Variants in SH3BP5 observed in about 807,000 individuals in gnomAD.
SH3BP5 encodes SH3 domain binding protein 5.
SH3BP5 carries 22 observed loss-of-function variants against 43.3 expected under a neutral mutation model. That is an observed-to-expected ratio of 0.51 (90% CI 0.36 to 0.73). The LOEUF is 0.73. SH3BP5 is among the 30% of genes least tolerant of loss of function. SH3BP5 has a pLI of 0.00. For synonymous variants in SH3BP5, 255 were observed against 225.8 expected, an observed-to-expected ratio of 1.13 and a Z score of -1.16; for missense variants, 529 against 586.9, an observed-to-expected ratio of 0.90 and a Z score of 1.02.
At chr3:15,297,682 C>T (rs1299514314) in intron 3 of SH3BP5, among the ~76,000 whole-genome samples, 5 of 152,048 alleles carry the variant, frequency 3.3e-5, no homozygotes, top group Non-Finnish European at 7.4e-5. Context: ...TTGCTGGAAT[C>T]TCAACACTGT....
At chr3:15,295,579 T>C (rs540714022) in intron 3 of SH3BP5, among the ~76,000 whole-genome samples, 11 of 152,304 alleles carry the variant, frequency 7.2e-5, no homozygotes, top group African/African-American at 2.6e-4. Context: ...AGAAAATGCT[T>C]GCGTTAGATG....
At chr3:15,329,057 TG>T (rs1698534886) in intron 2 of SH3BP5, among the ~76,000 whole-genome samples, 1 of 151,832 alleles carries the variant, frequency 6.6e-6, no homozygotes, top group African/African-American at 2.4e-5. Context: ...AGCTGAGGAA[TG>T]AGAATCACTT....
intron 4 of SH3BP5, among the ~76,000 whole-genome samples, chr3:15,265,559 C>CA (rs1553613899): frequency 2.1e-5 from 3 of 142,820 alleles, no homozygotes; most frequent in African/African-American, 5.1e-5. Flanking sequence ...CACACACACA[C>CA]AACCCTCCAG....
chr3:15,301,566 G>T (rs535507420), intron 3 of SH3BP5, among the ~76,000 whole-genome samples: 1 of 152,252 alleles, frequency 6.6e-6, no homozygotes, highest in East Asian at 1.9e-4. Context: ...GGGCTGGCAG[G>T]GATGGTGGGC....
At chr3:15,269,451 T>C (rs537948538) in intron 4 of SH3BP5, among the ~76,000 whole-genome samples, 1 of 152,124 alleles carries the variant, frequency 6.6e-6, no homozygotes, top group Admixed American at 6.5e-5. Context: ...CAAGACCCCC[T>C]GGGGATGACC....
intron 3 of SH3BP5, among the ~76,000 whole-genome samples, chr3:15,279,416 C>T (rs1697059451): frequency 6.6e-6 from 1 of 152,176 alleles, no homozygotes; most frequent in Admixed American, 6.5e-5. Context: ...CATAGACAGA[C>T]TACAGAGCCC....
At chr3:15,265,512 T>TCTCACACACACACACACACACA (rs1318765546) in intron 4 of SH3BP5, among the ~76,000 whole-genome samples, 104 of 107,984 alleles carry the variant, frequency 9.6e-4, no homozygotes, top group African/African-American at 3.5e-3. Flanking sequence ...CGAGACTCCG[T>TCTCACACACACACACACACACA]CACACACACA....
upstream of SH3BP5, among the ~76,000 whole-genome samples, chr3:15,337,097 T>TTG (rs1559465314): frequency 6.7e-6 from 1 of 148,356 alleles, no homozygotes; most frequent in African/African-American, 2.5e-5. Flanking sequence ...TTTTTTTTTT[T>TTG]TTTTTTTTTT....
At chr3:15,310,506 G>C (rs1466205653) in intron 2 of SH3BP5, among the ~76,000 whole-genome samples, 1 of 152,170 alleles carries the variant, frequency 6.6e-6, no homozygotes, top group Non-Finnish European at 1.5e-5. Context: ...AGATCAGAGT[G>C]GGGGTGGCTT....
chr3:15,313,782 T>C (rs543563226), intron 2 of SH3BP5, among the ~76,000 whole-genome samples: 3 of 152,196 alleles, frequency 2.0e-5, no homozygotes, highest in African/African-American at 7.2e-5. Context: ...GAAATGTGGC[T>C]GGTGCAACTG....
chr3:15,281,273 C>T (rs1473307120), intron 3 of SH3BP5, among the ~76,000 whole-genome samples: 1 of 152,134 alleles, frequency 6.6e-6, no homozygotes, highest in Non-Finnish European at 1.5e-5. Flanking sequence ...CCAACAAGAA[C>T]ACATTTTGAT....
At position 15,255,808 on chromosome 3, in the gene SH3BP5, A is replaced by T. The variant is rs1225095406; in HGVS notation, c.*278T>A. On this transcript the variant is annotated 3_prime_UTR_variant, in exon 9 of 9. Transcript: ENST00000383791. ...TTCCCAGCTCTGGTTCTTTCATAGG[A>T]ACTAGTTATTGCTTCCACAATGCCG... 1.8e-5 allele frequency: 6 copies of T among 332,926 alleles called. No individual in the cohort carries two copies. The East Asian group carries it at 3.4e-4, about 19-fold the overall frequency. 20.6% of individuals were successfully genotyped at this position (332,926 alleles called of 1,614,324 possible).
At chr3:15,297,377 C>G (rs558845125) in intron 3 of SH3BP5, among the ~76,000 whole-genome samples, 34 of 152,250 alleles carry the variant, frequency 2.2e-4, no homozygotes, top group Middle Eastern at 3.4e-3. Flanking sequence ...CCTCTTCTAC[C>G]CACAGGTTCT....
In SH3BP5 at chr3:15,306,227, T is replaced by C. The variant is rs192633017; in HGVS notation, c.202-1996A>G. On this transcript the variant is annotated intron_variant, in intron 2 of 8. Coordinates refer to ENST00000383791, the MANE Select transcript of SH3BP5 (RefSeq NM_004844.5). The stretch of plus-strand genomic sequence containing the variant: ...AAAAAAAATTAGCCAGGTATGGTGG[T>C]GGGCACCTGTAGTCCCAGCTACTTG... 2.0e-3 allele frequency among the ~76,000 whole-genome samples: 305 copies of C among 151,934 alleles called. 2 individuals carry two copies. The highest frequency in any genetic ancestry group is 3.8e-3 in the Admixed American group (58 of 15,274).
chr3:15,331,942 C>T (rs1413572394), intron 1 of SH3BP5: 7 of 256,918 alleles, frequency 2.7e-5, no homozygotes, highest in Admixed American at 2.3e-4. Flanking sequence ...GGCAGGGGTA[C>T]CCCCGAGGAT....
At chr3:15,284,909 C>T (rs1697223784) in intron 3 of SH3BP5, among the ~76,000 whole-genome samples, 2 of 152,226 alleles carry the variant, frequency 1.3e-5, no homozygotes, top group African/African-American at 4.8e-5. Context: ...GACCGAATGC[C>T]TGGTGAGTGC....
intron 6 of SH3BP5, 152 bp downstream of exon 6, chr3:15,259,609 G>A (rs985104716): frequency 1.4e-5 from 11 of 804,520 alleles, no homozygotes; most frequent in African/African-American, 6.8e-5. Flanking sequence ...AGACCCAACC[G>A]AGACAATTTT....
chr3:15,314,586 G>A (rs183933814), intron 2 of SH3BP5, among the ~76,000 whole-genome samples: 10 of 152,298 alleles, frequency 6.6e-5, no homozygotes, highest in Admixed American at 5.9e-4. Context: ...GTAGAGAGCA[G>A]GGGTATGGAT....
intron 3 of SH3BP5, among the ~76,000 whole-genome samples, chr3:15,292,925 A>G (rs989392206): frequency 3.9e-5 from 6 of 152,220 alleles, no homozygotes; most frequent in Non-Finnish European, 7.3e-5. Flanking sequence ...AGGCAGAGCC[A>G]GCCAAGCAGG....
Sources: gnomAD v4.1 joint callset for allele counts (sites outside exome capture counted in the v4.1 genomes callset) on GRCh38, gnomAD v4.1.1 for gene constraint, MANE v1.5 for transcripts, NCBI Gene and HGNC (gene_info 2026-07-23, HGNC 2026-07-21) for gene names.